The following HUWE1 variants were observed in gnomAD, a reference collection of about 807,000 sequenced individuals.
HUWE1 encodes the protein E3 ubiquitin-protein ligase HUWE1.
HUWE1 carries 18 observed loss-of-function variants against 299.4 expected under a neutral mutation model. The observed-to-expected ratio is 0.06, with a 90% CI of 0.04 to 0.09. The LOEUF (loss-of-function observed/expected upper bound fraction) is 0.09, where lower values mean the gene tolerates loss of function less well. Among genes scored for constraint, HUWE1 ranks in the 10% least tolerant of loss-of-function variants. The pLI, the probability that HUWE1 is intolerant of heterozygous loss-of-function variation, is 1.00. For synonymous variants in HUWE1, 1,317 were observed against 1,286.1 expected (o/e 1.02, Z -0.51); for missense variants, 1,832 against 3,462.3 (o/e 0.53, Z 11.82).
chrX:53,659,335 T>G (rs1355472336), intron 3 of HUWE1, among the ~76,000 whole-genome samples: 1 of 112,188 alleles, frequency 8.9e-6, no homozygotes, highest in Non-Finnish European at 1.9e-5. Flanking sequence ...CTGTGGTACA[T>G]CCAGACAATG....
chrX:53,538,683 C>T lies in HUWE1; in HGVS notation c.11878+152G>A, dbSNP rs1241670711. ...GGAAACCATGCAGGGTTTACGTGCA[C>T]GGGTGTGTGTATGTACACACACACA... is the stretch of plus-strand genomic sequence containing the variant. On this transcript the variant is annotated intron_variant, in intron 76 of 83. Coordinates refer to ENST00000262854, the MANE Select transcript of HUWE1 (RefSeq NM_031407.7). The T allele has an allele frequency of 4.5e-5, 27 of 604,501 alleles. No individual in the cohort carries two copies. The Admixed American group carries it at 5.0e-4, about 11-fold the overall frequency. The allele number at this position is 604,501 out of a possible 1,213,427, so 49.8% of individuals were successfully genotyped here. A position where few individuals can be genotyped will look rare whatever the true frequency, so the allele number is the denominator to read the frequency against.
intron 29 of HUWE1, among the ~76,000 whole-genome samples, chrX:53,599,903 G>C (rs2064729780): frequency 8.9e-6 from 1 of 112,034 alleles, no homozygotes; most frequent in Admixed American, 9.4e-5. Flanking sequence ...GAGGGTAGTA[G>C]ATATGGCTCT....
Position 53,585,197 on chromosome X carries a change from A to G in HUWE1, c.4825-9T>C, listed in dbSNP as rs1556972169. 15 of 1,207,889 alleles carry G rather than the reference A, an allele frequency of 1.2e-5. No homozygotes were observed. Among genetic ancestry groups the G allele is most frequent in the Non-Finnish European group, 1.7e-5 (15 of 892,736 alleles). Reference sequence around the variant, plus strand: ...CTGTTGGATTGCAGGTACTAAACATAAAAGTACAAAGTTTCTTTGTATTTC... The same window carrying G: ...CTGTTGGATTGCAGGTACTAAACATGAAAGTACAAAGTTTCTTTGTATTTC... On this transcript the variant is annotated splice_polypyrimidine_tract_variant and intron_variant, in intron 39 of 83. Coordinates refer to ENST00000262854, the MANE Select transcript of HUWE1 (RefSeq NM_031407.7).
chrX:53,631,382 C>T (rs2052144605), intron 11 of HUWE1, 32 bp downstream of exon 11: 2 of 1,062,943 alleles, frequency 1.9e-6, no homozygotes, highest in Non-Finnish European at 2.6e-6. Context: ...ATAACAACCA[C>T]ATCCTGTGGA....
At position 53,631,603 on chromosome X, in the gene HUWE1, G is replaced by A. The variant is rs1557022833; in HGVS notation, c.657C>T (p.Asn219=). ...GCTCTATGTGAATATAATGTAGTGTGTTACTAGTTGTCTAAAATTAAAAAA... is the reference window on the plus strand; with the variant it reads ...GCTCTATGTGAATATAATGTAGTGTATTACTAGTTGTCTAAAATTAAAAAA... ...EVKIEKRTTS[N]TLHYIHIEQL... Residue 219 remains asparagine (N), a synonymous_variant, in exon 10 of 84, where the codon AAC becomes AAT. Coordinates refer to ENST00000262854, the MANE Select transcript of HUWE1 (RefSeq NM_031407.7). 8.4e-7 allele frequency: 1 copy of A among 1,186,639 alleles called. No homozygotes were observed. Among genetic ancestry groups the A allele is most frequent in the Admixed American group, 2.2e-5 (1 of 45,955 alleles).
intron 13 of HUWE1, 90 bp from the exon 14 acceptor site, chrX:53,628,992 A>AT (rs1557020396): frequency 1.3e-6 from 1 of 777,451 alleles, no homozygotes; most frequent in African/African-American, 2.1e-5. Flanking sequence ...ACTTTAAAAT[A>AT]TAAGTCATTC....
At chrX:53,616,247 A>G in intron 21 of HUWE1, among the ~76,000 whole-genome samples, 1 of 104,233 alleles carries the variant, frequency 9.6e-6, no homozygotes. Flanking sequence ...TTTGGTTGTG[A>G]TTTTCTAATG....
chrX:53,602,521 A>C (rs781815321), intron 28 of HUWE1, 43 bp downstream of exon 28: 2 of 789,395 alleles, frequency 2.5e-6, no homozygotes, highest in Non-Finnish European at 3.9e-6. Context: ...CGTAGGAACA[A>C]AACTTAGAAG....
At chrX:53,603,725 T>C (rs2065008952) in intron 26 of HUWE1, among the ~76,000 whole-genome samples, 1 of 112,411 alleles carries the variant, frequency 8.9e-6, no homozygotes, top group South Asian at 3.7e-4. Context: ...TCTCATTGTT[T>C]TTTATAAAGT....
At chrX:53,621,405 T>G (rs965841922) in intron 19 of HUWE1, among the ~76,000 whole-genome samples, 1 of 109,279 alleles carries the variant, frequency 9.2e-6, no homozygotes, top group Admixed American at 1.0e-4. Context: ...CTGAAATTAT[T>G]CTAAAACTCT....
Position 53,589,484 on chromosome X carries a change from G to T in HUWE1, c.4461+63C>A. 3.7e-6 allele frequency: 4 copies of T among 1,089,501 alleles called. No homozygotes were observed. The South Asian group carries it at 7.4e-5, about 20-fold the overall frequency. 89.8% of individuals were successfully genotyped at this position (1,089,501 alleles called of 1,213,427 possible). On this transcript the variant is annotated intron_variant, in intron 36 of 83. Transcript: ENST00000262854. ...AATATGCTGATTTTTCAGAAATCAG[G>T]TTTTGACACAGGCAGGCAAACCACT...
rs782099113 is a variant in HUWE1 at position 53,557,310 on chromosome X, GCT to G, written c.8206+70_8206+71del. On this transcript the variant is annotated intron_variant, in intron 60 of 83. Transcript: ENST00000262854. ...GTCCATCTTCAGCCTATGTGGGCCA[GCT>G]ACTCGGAACTATCAGGATAAAGAAG... is the stretch of plus-strand genomic sequence containing the variant. 4.0e-5 allele frequency: 38 copies of G among 938,550 alleles called. 1 individual carries two copies. Among genetic ancestry groups the G allele is most frequent in the Non-Finnish European group, 5.3e-5 (34 of 647,092 alleles). 77.3% of individuals were successfully genotyped at this position (938,550 alleles called of 1,213,427 possible).
At chrX:53,624,459 TAC>T in intron 19 of HUWE1, 134 bp downstream of exon 19, 1 of 528,027 alleles carries the variant, frequency 1.9e-6, no homozygotes, top group Non-Finnish European at 3.3e-6. Context: ...ATTGCGCCAC[TAC>T]ACTCCAGCCT....
At position 53,554,718 on chromosome X, in the gene HUWE1, A is replaced by G. The variant is rs1291166944; in HGVS notation, c.8409T>C (p.Pro2803=). The change falls in exon 61 of 84, where the codon CCT becomes CCC. Residue 2803 remains proline (P), a synonymous_variant. Transcript: ENST00000262854. The stretch of plus-strand genomic sequence containing the variant: ...TGGGACCCAATTCCTCTGGCTCTAC[A>G]GGCATCAATAGCTGTGTAGAGCTGC... ...EGGSSTQLLM[P]VEPEELGPTR... is the part of the protein sequence containing the mutation. The G allele has an allele frequency of 4.1e-6, 5 of 1,208,830 alleles. No individual in the cohort carries two copies. The highest frequency in any genetic ancestry group is 5.6e-6 in the Non-Finnish European group (5 of 894,690).
In HUWE1 at chrX:53,569,837, C is replaced by T; in HGVS notation, c.6313-10G>A. The T allele has an allele frequency of 8.4e-7, 1 of 1,190,340 alleles. No homozygotes were observed. Among genetic ancestry groups the T allele is most frequent in the Non-Finnish European group, 1.1e-6 (1 of 876,028 alleles). On this transcript the variant is annotated splice_polypyrimidine_tract_variant and intron_variant, in intron 47 of 83. Transcript: ENST00000262854. ...CTAGCACACTGCAGTCCTGAAAAGT[C>T]ATGAATCACGACATTTACTTACAAG...
intron 4 of HUWE1, among the ~76,000 whole-genome samples, chrX:53,650,884 T>C (rs979919831): frequency 1.1e-4 from 12 of 111,598 alleles, no homozygotes; most frequent in African/African-American, 1.6e-4. Context: ...AACTAGGAAA[T>C]AAGAGCCAGA....
chrX:53,621,151 G>A (rs940939935), intron 19 of HUWE1, among the ~76,000 whole-genome samples: 1 of 111,539 alleles, frequency 9.0e-6, no homozygotes, highest in South Asian at 3.8e-4. Flanking sequence ...CAGGATATGG[G>A]ATGGCAATGC....
intron 7 of HUWE1, among the ~76,000 whole-genome samples, chrX:53,644,318 T>C (rs2067820687): frequency 8.9e-6 from 1 of 112,319 alleles, no homozygotes; most frequent in African/African-American, 3.2e-5. Context: ...TATGAAGCTT[T>C]TGTTAATGAG....
intron 68 of HUWE1, among the ~76,000 whole-genome samples, chrX:53,547,170 T>C (rs905148567): frequency 8.9e-6 from 1 of 111,935 alleles, no homozygotes; most frequent in Non-Finnish European, 1.9e-5. Flanking sequence ...GCCCACTCTA[T>C]TCTTTAAAAC....
Sources: gnomAD v4.1 joint callset for allele counts (sites outside exome capture counted in the v4.1 genomes callset) on GRCh38, gnomAD v4.1.1 for gene constraint, MANE v1.5 for transcripts, NCBI Gene and HGNC (gene_info 2026-07-23, HGNC 2026-07-21) for gene names.